The following SMYD3 variants were observed in gnomAD, a reference collection of about 807,000 sequenced individuals.
SMYD3 encodes histone-lysine N-methyltransferase SMYD3.
A neutral mutation model predicts 57.7 loss-of-function variants in SMYD3; 36 were observed. The ratio of observed to expected loss-of-function variants is 0.62; its 90% CI spans 0.48 to 0.82. The LOEUF is 0.82. SMYD3 is among the 40% of genes least tolerant of loss of function. SMYD3 has a pLI of 0.00. For synonymous variants in SMYD3, 211 were observed against 195.0 expected, an observed-to-expected ratio of 1.08 and a Z score of -0.68; for missense variants, 515 against 538.8, an observed-to-expected ratio of 0.96 and a Z score of 0.44.
intron 5 of SMYD3, among the ~76,000 whole-genome samples, chr1:246,103,673 G>A (rs944457561): frequency 2.0e-5 from 3 of 152,058 alleles, no homozygotes; most frequent in Admixed American, 2.0e-4. Flanking sequence ...TTATGCGCCT[G>A]GGCTCTAACC....
chr1:246,365,128 A>C (rs1427363980), intron 1 of SMYD3, among the ~76,000 whole-genome samples: 1 of 152,210 alleles, frequency 6.6e-6, no homozygotes, highest in Non-Finnish European at 1.5e-5. Context: ...TAAAGTATAC[A>C]TCACAGATCT....
intron 5 of SMYD3, among the ~76,000 whole-genome samples, chr1:246,116,201 GACACACACACACACACAC>G (rs56722969): frequency 9.3e-4 from 136 of 146,028 alleles, no homozygotes; most frequent in Middle Eastern, 3.6e-3. Flanking sequence ...CCCTGAGATG[GACACACACACACACACAC>G]ACACACACAC....
chr1:245,984,833 T>C (rs1354973575), intron 5 of SMYD3, among the ~76,000 whole-genome samples: 1 of 152,192 alleles, frequency 6.6e-6, no homozygotes, highest in Non-Finnish European at 1.5e-5. Flanking sequence ...CCTGGGAATG[T>C]AGTGTATTTC....
At chr1:245,993,216 T>C (rs1459509467) in intron 5 of SMYD3, among the ~76,000 whole-genome samples, 1 of 152,178 alleles carries the variant, frequency 6.6e-6, no homozygotes, top group Non-Finnish European at 1.5e-5. Flanking sequence ...TTCACTGCTG[T>C]GTAAGAGCTG....
At chr1:245,774,638 C>A (rs1168744430) in intron 10 of SMYD3, among the ~76,000 whole-genome samples, 9 of 127,122 alleles carry the variant, frequency 7.1e-5, no homozygotes. Flanking sequence ...CCTCTCCCCA[C>A]AGTCTCCCTC....
intron 1 of SMYD3, among the ~76,000 whole-genome samples, chr1:246,450,143 C>T (rs937098045): frequency 3.9e-5 from 6 of 152,052 alleles, no homozygotes; most frequent in Admixed American, 1.3e-4. Flanking sequence ...CAAAATTAGC[C>T]GGGCGTGGCG....
chr1:246,194,265 T>C (rs1260027593), intron 5 of SMYD3, among the ~76,000 whole-genome samples: 4 of 148,836 alleles, frequency 2.7e-5, no homozygotes, highest in East Asian at 3.9e-4. Flanking sequence ...TCTTGTGGGG[T>C]TTTTTTGTTT....
At chr1:245,863,488 A>C (rs2051663601) in intron 9 of SMYD3, among the ~76,000 whole-genome samples, 1 of 152,182 alleles carries the variant, frequency 6.6e-6, no homozygotes, top group South Asian at 2.1e-4. Context: ...TGGGAGAAGA[A>C]AATTGAGGAA....
rs1553289392 is a variant in SMYD3 at position 246,102,755 on chromosome 1, A to AT, written c.532-172819_532-172818insA. Among the ~76,000 whole-genome samples, 431 of 146,980 alleles carry AT rather than the reference A, an allele frequency of 2.9e-3. 3 individuals are homozygous for AT. The highest frequency in any genetic ancestry group is 7.4e-3 in the African/African-American group (297 of 39,958). On this transcript the variant is annotated intron_variant, in intron 5 of 11. Transcript: ENST00000490107. ...AGACCTTGGCTCTCAAAAAAAAAAA[A>AT]AATAATAATAATAATAATCCTACCT...
At chr1:246,210,963 C>T (rs2063076766) in intron 5 of SMYD3, among the ~76,000 whole-genome samples, 2 of 152,098 alleles carry the variant, frequency 1.3e-5, no homozygotes, top group African/African-American at 2.4e-5. Flanking sequence ...CTGTCCCAGG[C>T]GCGTCTGCTG....
intron 2 of SMYD3, among the ~76,000 whole-genome samples, chr1:246,349,276 G>A (rs1450406153): frequency 3.9e-5 from 6 of 152,182 alleles, no homozygotes; most frequent in Non-Finnish European, 8.8e-5. Flanking sequence ...ATTTAATTAT[G>A]TATGTTTATG....
intron 5 of SMYD3, among the ~76,000 whole-genome samples, chr1:246,097,999 T>C (rs1285579720): frequency 6.6e-6 from 1 of 152,252 alleles, no homozygotes; most frequent in Non-Finnish European, 1.5e-5. Flanking sequence ...CGTAGTGTTT[T>C]TGTTGCAACC....
At chr1:245,998,837 T>C (rs556533919) in intron 5 of SMYD3, among the ~76,000 whole-genome samples, 51 of 152,166 alleles carry the variant, frequency 3.4e-4, no homozygotes, top group Non-Finnish European at 6.3e-4. Flanking sequence ...GGAATTCTAA[T>C]AATGCTACGG....
At chr1:245,942,650 AC>A in intron 5 of SMYD3, among the ~76,000 whole-genome samples, 1 of 151,886 alleles carries the variant, frequency 6.6e-6, no homozygotes, top group Non-Finnish European at 1.5e-5. Context: ...AAAATCTCTA[AC>A]CCCCCAAAAC....
At chr1:246,117,304 T>C (rs2061355599) in intron 5 of SMYD3, among the ~76,000 whole-genome samples, 1 of 152,330 alleles carries the variant, frequency 6.6e-6, no homozygotes, top group East Asian at 1.9e-4. Context: ...GTATTTACAT[T>C]GCACAGCACC....
intron 5 of SMYD3, among the ~76,000 whole-genome samples, chr1:245,958,594 T>C (rs2147977498): frequency 6.6e-6 from 1 of 152,340 alleles, no homozygotes; most frequent in Admixed American, 6.5e-5. Context: ...TCCTCCTCCG[T>C]AGCAAAGTAC....
chr1:246,264,039 AT>A (rs1224711526), intron 5 of SMYD3, among the ~76,000 whole-genome samples: 1 of 128,778 alleles, frequency 7.8e-6, no homozygotes, highest in Non-Finnish European at 1.6e-5. Flanking sequence ...GCAGAAATAA[AT>A]GTTTTTTTTT....
At chr1:246,019,846 A>C (rs1466394557) in intron 5 of SMYD3, among the ~76,000 whole-genome samples, 4 of 152,234 alleles carry the variant, frequency 2.6e-5, no homozygotes, top group Non-Finnish European at 5.9e-5. Flanking sequence ...TACAAATAAA[A>C]TTGTTGCTTT....
intron 7 of SMYD3, among the ~76,000 whole-genome samples, chr1:245,921,547 G>GTATATA (rs1491323831): frequency 0.014 from 499 of 35,016 alleles, 14 homozygotes; most frequent in African/African-American, 0.026. Context: ...AAAAAATGTG[G>GTATATA]TGTATATATA....
Sources: allele counts gnomAD v4.1 joint callset (sites outside exome capture counted in the v4.1 genomes callset), GRCh38; gene constraint gnomAD v4.1.1; transcripts MANE v1.5; gene names NCBI Gene and HGNC (gene_info 2026-07-23, HGNC 2026-07-21).